The following RMDN2 variants were observed in gnomAD, a reference collection of about 807,000 sequenced individuals.
The protein encoded by RMDN2 is regulator of microtubule dynamics protein 2.
RMDN2 carries 61 observed loss-of-function variants against 52.8 expected under a neutral mutation model. The ratio of observed to expected loss-of-function variants is 1.16; its 90% CI spans 0.94 to 1.43. The LOEUF is 1.43. Among genes scored for constraint, RMDN2 ranks in the 40% most tolerant of loss-of-function variants. RMDN2 has a pLI of 0.00. For synonymous variants in RMDN2, 180 were observed against 153.1 expected (o/e 1.18, Z -1.30); for missense variants, 592 against 475.3 (o/e 1.25, Z -2.28).
At chr2:37,952,572 T>TC (rs371452251) in intron 2 of RMDN2, 38 of 328,516 alleles carry the variant, frequency 1.2e-4, no homozygotes, top group African/African-American at 7.8e-4. Flanking sequence ...GAGTTTAGTA[T>TC]CCCCTTTTAT....
At chr2:37,981,980 G>A (rs1267257629) in intron 5 of RMDN2, among the ~76,000 whole-genome samples, 1 of 151,850 alleles carries the variant, frequency 6.6e-6, no homozygotes, top group Non-Finnish European at 1.5e-5. Context: ...TTTTACATTT[G>A]TTTTCTTTTT....
intron 2 of RMDN2, among the ~76,000 whole-genome samples, chr2:37,950,851 T>C (rs1346896367): frequency 6.6e-6 from 1 of 152,156 alleles, no homozygotes; most frequent in East Asian, 1.9e-4. Flanking sequence ...CAACAGATAT[T>C]GTGGTTTATT....
In RMDN2 at chr2:37,997,484, T is replaced by A. The variant is rs533376271; in HGVS notation, c.1014T>A (p.Thr338=). Reference sequence around the variant, plus strand: ...TGTTTGGAAAAATACCATCTTCAACTGTACAAGAAGCTTTACACAATTTCC... The same window carrying A: ...TGTTTGGAAAAATACCATCTTCAACAGTACAAGAAGCTTTACACAATTTCC... ...ATLFGKIPSS[T]VQEALHNFLK... The change falls in exon 8 of 11, where the codon ACT becomes ACA. Residue 338 remains threonine (T), a synonymous_variant. Coordinates refer to ENST00000354545, the MANE Select transcript of RMDN2 (RefSeq NM_001170791.3). The A allele has an allele frequency of 1.4e-4, 224 of 1,613,194 alleles. 2 individuals are homozygous for A. The South Asian group carries it at 2.0e-3, about 14-fold the overall frequency.
chr2:37,958,669 A>G (rs1335440376), intron 2 of RMDN2, among the ~76,000 whole-genome samples: 1 of 150,732 alleles, frequency 6.6e-6, no homozygotes, highest in Non-Finnish European at 1.5e-5. Flanking sequence ...AACTTCCAAT[A>G]CTGTGTTGAA....
intron 10 of RMDN2, among the ~76,000 whole-genome samples, chr2:38,042,095 G>A (rs1306989986): frequency 6.6e-6 from 1 of 151,916 alleles, no homozygotes; most frequent in Non-Finnish European, 1.5e-5. Flanking sequence ...TGCTTTGGAA[G>A]GTTATTTATT....
At chr2:37,954,418 G>T (rs191338907) in intron 2 of RMDN2, among the ~76,000 whole-genome samples, 34 of 152,072 alleles carry the variant, frequency 2.2e-4, no homozygotes, top group Admixed American at 1.4e-3. Flanking sequence ...TTTATATGTG[G>T]ATATCCAGTT....
intron 10 of RMDN2, among the ~76,000 whole-genome samples, chr2:38,015,579 G>GA (rs1344839695): frequency 7.0e-6 from 1 of 142,172 alleles, no homozygotes; most frequent in South Asian, 2.2e-4. Context: ...AAAAAAAAAA[G>GA]AAAAAAAAGG....
intron 10 of RMDN2, among the ~76,000 whole-genome samples, chr2:38,061,634 T>TACACACAC (rs770985216): frequency 1.9e-5 from 2 of 105,476 alleles, no homozygotes; most frequent in African/African-American, 7.4e-5. Context: ...TCACACACAG[T>TACACACAC]ACACACACAC....
At chr2:37,950,676 G>A in intron 2 of RMDN2, 1 of 1,368,088 alleles carries the variant, frequency 7.3e-7, no homozygotes, top group Non-Finnish European at 1.0e-6. Flanking sequence ...GCTCTCCTTT[G>A]TTTCCCATAA....
chr2:38,017,862 TA>T (rs760141680), downstream of RMDN2: 14 of 192,632 alleles, frequency 7.3e-5, no homozygotes, highest in Non-Finnish European at 1.2e-4. Context: ...CAAAGGAAGG[TA>T]AGGGTGGGGC....
intron 2 of RMDN2, among the ~76,000 whole-genome samples, 155 bp from the exon 3 acceptor site, chr2:37,973,885 T>G (rs112515019): frequency 9.2e-5 from 14 of 152,250 alleles, no homozygotes; most frequent in African/African-American, 2.9e-4. Context: ...ACTTGTAGAC[T>G]TCTGTTAGGA....
At chr2:37,982,638 G>C (rs751559856) in intron 5 of RMDN2, among the ~76,000 whole-genome samples, 24 of 152,132 alleles carry the variant, frequency 1.6e-4, no homozygotes, top group Non-Finnish European at 2.6e-4. Context: ...AGAGAATCTT[G>C]CTTTAGGGAT....
intron 10 of RMDN2, among the ~76,000 whole-genome samples, chr2:38,061,656 C>CACACATACACACATAT (rs1558596317): frequency 6.8e-6 from 1 of 146,674 alleles, no homozygotes; most frequent in Non-Finnish European, 1.5e-5. Context: ...CACACACATA[C>CACACATACACACATAT]ACACATATAC....
At chr2:37,987,854 T>G (rs1448069338) in intron 5 of RMDN2, among the ~76,000 whole-genome samples, 1 of 150,316 alleles carries the variant, frequency 6.7e-6, no homozygotes, top group African/African-American at 2.5e-5. Flanking sequence ...AGGTCAGGAG[T>G]TCGAGACCAG....
At chr2:37,958,218 C>A (rs900221134) in intron 2 of RMDN2, among the ~76,000 whole-genome samples, 4 of 152,126 alleles carry the variant, frequency 2.6e-5, no homozygotes, top group African/African-American at 7.2e-5. Flanking sequence ...AGCATTAAAT[C>A]TATAAATTAT....
At position 37,953,996 on chromosome 2, in the gene RMDN2, C is replaced by A. The variant is rs531823627; in HGVS notation, c.453-20044C>A. 1.2e-3 allele frequency among the ~76,000 whole-genome samples: 180 copies of A among 152,064 alleles called. 1 individual carries two copies. The highest frequency in any genetic ancestry group is 4.2e-3 in the African/African-American group (174 of 41,504). ...TGACTGCTGCCCATTTGTATATCTT[C>A]TTTGGAGAAATGCCAATTCAAGTCC... On this transcript the variant is annotated intron_variant, in intron 2 of 10. Coordinates refer to ENST00000354545, the MANE Select transcript of RMDN2 (RefSeq NM_001170791.3).
chr2:37,976,627 A>G (rs769770098), intron 4 of RMDN2, among the ~76,000 whole-genome samples: 2 of 152,064 alleles, frequency 1.3e-5, no homozygotes, highest in African/African-American at 4.8e-5. Context: ...TTGTTTGCAT[A>G]TTCATCATCA....
chr2:37,922,584 C>T (rs1021849931), upstream of RMDN2, among the ~76,000 whole-genome samples: 4 of 152,116 alleles, frequency 2.6e-5, no homozygotes, highest in South Asian at 2.1e-4. Context: ...TAAATGCTAC[C>T]ATCCTTGAAG....
At chr2:38,054,907 G>A (rs956669362) in intron 10 of RMDN2, among the ~76,000 whole-genome samples, 1 of 152,054 alleles carries the variant, frequency 6.6e-6, no homozygotes, top group East Asian at 1.9e-4. Flanking sequence ...AAAGGACGGG[G>A]GGACAAAGGG....
Sources: gnomAD v4.1 joint callset for allele counts (sites outside exome capture counted in the v4.1 genomes callset) on GRCh38, gnomAD v4.1.1 for gene constraint, MANE v1.5 for transcripts, NCBI Gene and HGNC (gene_info 2026-07-23, HGNC 2026-07-21) for gene names.